The following RBL1 variants were observed in gnomAD, a reference collection of about 807,000 sequenced individuals.
RBL1 encodes retinoblastoma-like protein 1.
Under a neutral mutation model 123.0 loss-of-function variants are expected in RBL1, and 82 were observed. That is an observed-to-expected ratio of 0.67 (90% CI 0.56 to 0.80). RBL1 has a LOEUF of 0.80. RBL1 is among the 30% of genes least tolerant of loss of function. The pLI, the probability that RBL1 is intolerant of heterozygous loss-of-function variation, is 0.00. For missense variants in RBL1, 1,171 were observed against 1,299.6 expected (o/e 0.90, Z 1.52); for synonymous variants, 405 against 441.3 (o/e 0.92, Z 1.03).
Position 37,062,112 on chromosome 20 carries a change from T to A in RBL1, c.1055A>T (p.Glu352Val), listed in dbSNP as rs1226753574. Residue 352 changes from glutamate (E) to valine (V), a missense_variant, in exon 8 of 22, where the codon GAG (glutamate) becomes GTG (valine). By Grantham distance (121) the Glu-to-Val change is moderately radical. Coordinates refer to ENST00000373664, the MANE Select transcript of RBL1 (RefSeq NM_002895.5). Reference sequence around the variant, plus strand: ...TTCAAAGTGCTGTTGAAGGTTATACTCCACATTAGCCTGTGCTGTCAGTTT... The same window carrying A: ...TTCAAAGTGCTGTTGAAGGTTATACACCACATTAGCCTGTGCTGTCAGTTT... ...LGKLTAQANVEYNLQQHFEKK... is the reference protein window; with the variant it reads ...LGKLTAQANVVYNLQQHFEKK... 6.2e-7 allele frequency: 1 copy of A among 1,613,964 alleles called. No individual in the cohort carries two copies. Among genetic ancestry groups the A allele is most frequent in the Non-Finnish European group, 8.5e-7 (1 of 1,179,996 alleles).
chr20:37,023,970 A>C (rs2064383919), intron 16 of RBL1, among the ~76,000 whole-genome samples: 1 of 151,270 alleles, frequency 6.6e-6, no homozygotes, highest in Admixed American at 6.6e-5. Context: ...ATTTGAGTAG[A>C]GATGGGGTTT....
At chr20:37,075,278 T>C (rs900291716) in intron 2 of RBL1, among the ~76,000 whole-genome samples, 7 of 152,116 alleles carry the variant, frequency 4.6e-5, no homozygotes, top group Non-Finnish European at 8.8e-5. Context: ...TAAAATGGAT[T>C]GTGGTGGTGG....
intron 16 of RBL1, among the ~76,000 whole-genome samples, chr20:37,024,091 A>G (rs2064385343): frequency 6.6e-6 from 1 of 151,974 alleles, no homozygotes; most frequent in Non-Finnish European, 1.5e-5. Context: ...GGCCCAAACT[A>G]TGTCTTTAAA....
At chr20:37,017,803 G>A (rs1404407047) in intron 19 of RBL1, among the ~76,000 whole-genome samples, 1 of 151,900 alleles carries the variant, frequency 6.6e-6, no homozygotes, top group Admixed American at 6.6e-5. Context: ...GCTAATTTTT[G>A]TATTTTTTTT....
chr20:37,017,504 G>GA (rs1356043833), intron 19 of RBL1, among the ~76,000 whole-genome samples: 23 of 150,882 alleles, frequency 1.5e-4, no homozygotes, highest in African/African-American at 2.4e-4. Flanking sequence ...TTCTTTCTTT[G>GA]AAAAAAAAAG....
At chr20:37,092,326 A>C (rs914526379) in intron 1 of RBL1, among the ~76,000 whole-genome samples, 1 of 152,168 alleles carries the variant, frequency 6.6e-6, no homozygotes, top group Non-Finnish European at 1.5e-5. Context: ...AAGACATTAA[A>C]GAATACACTG....
intron 11 of RBL1, among the ~76,000 whole-genome samples, chr20:37,054,368 C>A (rs2064969053): frequency 6.6e-6 from 1 of 151,902 alleles, no homozygotes; most frequent in South Asian, 2.1e-4. Context: ...GCCTGTAATC[C>A]CAGCTAGTCG....
At chr20:37,090,572 G>A (rs543471762) in intron 1 of RBL1, among the ~76,000 whole-genome samples, 2 of 152,270 alleles carry the variant, frequency 1.3e-5, no homozygotes, top group African/African-American at 2.4e-5. Context: ...TGTCATTTTT[G>A]TAAGGTAAAC....
intron 10 of RBL1, 92 bp from the exon 11 acceptor site, chr20:37,055,748 C>A: frequency 6.6e-6 from 8 of 1,217,324 alleles, no homozygotes; most frequent in Admixed American, 2.6e-5. Flanking sequence ...AAATCTGATA[C>A]ATTAAGAATA....
rs780214428 is a variant in RBL1, at chr20:37,003,806, G to A, written c.2932C>T (p.Arg978Cys). The change falls in exon 21 of 22, where the codon CGC becomes TGC. Residue 978 changes from arginine to cysteine, a missense_variant. Physicochemically the swap from Arg to Cys is radical, Grantham distance 180 (BLOSUM62 -3). Coordinates refer to ENST00000373664, the MANE Select transcript of RBL1 (RefSeq NM_002895.5). ...TAAATGGAGTGCTGCTGGGAAATGCGGCGTGGTGAGCCTGGCTGTTGTTTA... is the reference window on the plus strand; with the variant it reads ...TAAATGGAGTGCTGCTGGGAAATGCAGCGTGGTGAGCCTGGCTGTTGTTTA... ...HIKQQPGSPR[R>C]ISQQHSIYIS... 1.2e-5 allele frequency: 19 copies of A among 1,613,800 alleles called. No homozygotes were observed. The highest frequency in any genetic ancestry group is 3.3e-5 in the Admixed American group (2 of 59,962).
chr20:37,088,599 T>C (rs2065592356), intron 2 of RBL1, among the ~76,000 whole-genome samples: 1 of 151,860 alleles, frequency 6.6e-6, no homozygotes. Context: ...ACGTCTATAA[T>C]CCCATAGCAC....
chr20:37,037,472 A>G (rs904759526), intron 14 of RBL1, among the ~76,000 whole-genome samples: 2 of 152,194 alleles, frequency 1.3e-5, no homozygotes, highest in Non-Finnish European at 1.5e-5. Context: ...AAAAAAGAAA[A>G]TAATTCTCAA....
chr20:37,061,999 C>G (rs2146295146), intron 8 of RBL1, 85 bp downstream of exon 8: 2 of 1,354,878 alleles, frequency 1.5e-6, no homozygotes, highest in Non-Finnish European at 2.0e-6. Context: ...CAAGATTTAA[C>G]TTGAAAGATG....
intron 19 of RBL1, among the ~76,000 whole-genome samples, chr20:37,012,125 G>A (rs1276721656): frequency 2.0e-5 from 3 of 152,246 alleles, no homozygotes; most frequent in Non-Finnish European, 2.9e-5. Flanking sequence ...TCGGCCTGCC[G>A]AGGTGCCGGG....
Position 37,044,111 on chromosome 20 carries a change from G to T in RBL1, c.1745C>A (p.Ala582Glu). The T allele has an allele frequency of 1.3e-6, 2 of 1,596,178 alleles. No individual in the cohort carries two copies. Among genetic ancestry groups the T allele is most frequent in the Non-Finnish European group, 1.7e-6 (2 of 1,172,138 alleles). Reference sequence around the variant, plus strand: ...TTCTTCACAGGTAGGAACTTTGTTTGCAGAAACCTGGAGAGCCTCCCACAG... The same window carrying T: ...TTCTTCACAGGTAGGAACTTTGTTTTCAGAAACCTGGAGAGCCTCCCACAG... ...SALWEALQVSANKVPTCEEVI... is the reference protein window; with the variant it reads ...SALWEALQVSENKVPTCEEVI... Residue 582 changes from alanine to glutamate, a missense_variant, in exon 13 of 22, where the codon GCA becomes GAA. Transcript: ENST00000373664.
chr20:37,003,994 A>AG, intron 20 of RBL1, 128 bp from the exon 21 acceptor site: 1 of 725,426 alleles, frequency 1.4e-6, no homozygotes, highest in Non-Finnish European at 2.0e-6. Context: ...TTTATGGTTG[A>AG]GAAAAAAAAT....
intron 14 of RBL1, 81 bp from the exon 15 acceptor site, chr20:37,035,589 G>A: frequency 8.1e-7 from 1 of 1,241,188 alleles, no homozygotes. Flanking sequence ...AACAGATAGT[G>A]AGTTACTTAT....
chr20:37,020,354 G>T (rs1332401263), intron 18 of RBL1, among the ~76,000 whole-genome samples: 1 of 152,068 alleles, frequency 6.6e-6, no homozygotes, highest in Admixed American at 6.6e-5. Context: ...CTCCCAAAGT[G>T]CTGGGATTAC....
intron 19 of RBL1, among the ~76,000 whole-genome samples, chr20:37,012,799 C>A (rs1165356881): frequency 6.7e-6 from 1 of 149,972 alleles, no homozygotes; most frequent in East Asian, 2.0e-4. Context: ...GGGGGGTCAG[C>A]CCCCTGCCCG....
Sources: allele counts gnomAD v4.1 joint callset (sites outside exome capture counted in the v4.1 genomes callset), GRCh38; gene constraint gnomAD v4.1.1; transcripts MANE v1.5; gene names NCBI Gene and HGNC (gene_info 2026-07-23, HGNC 2026-07-21).